ZNF83: variants seen among roughly 807,000 people sequenced by gnomAD.
ZNF83 encodes the protein zinc finger protein 816B.
For synonymous variants in ZNF83, 209 were observed against 213.0 expected, an observed-to-expected ratio of 0.98 and a Z score of 0.17; for missense variants, 552 against 629.9, an observed-to-expected ratio of 0.88 and a Z score of 1.32.
rs1568588904 is a variant in ZNF83 at position 52,687,603 on chromosome 19, ATATATAT to A, written c.-283+2833_-283+2839del. On this transcript the variant is annotated intron_variant, in intron 1 of 5. Coordinates refer to the ZNF83 transcript ENST00000594682. ...TTATATATATATATATATAATGTATATATATATAATGTGTATATATATATATAATGTA... is the reference window on the plus strand; with the variant it reads ...TTATATATATATATATATAATGTATAAATGTGTATATATATATATAATGTA... 5.4e-3 allele frequency among the ~76,000 whole-genome samples: 210 copies of A among 38,746 alleles called. 26 individuals are homozygous for A. The African/African-American group carries it at 0.061, about 11-fold the overall frequency. The allele number at this position is 38,746 out of a possible 152,430, so 25.4% of individuals were successfully genotyped here. A position where few individuals can be genotyped will look rare whatever the true frequency, so the allele number is the denominator to read the frequency against.
At chr19:52,654,140 T>C (rs920772095) in intron 3 of ZNF83, 18 of 1,605,668 alleles carry the variant, frequency 1.1e-5, no homozygotes, top group African/African-American at 6.7e-5. Context: ...TGATCTTTAA[T>C]AGGCTTGTTT....
chr19:52,641,235 A>C (rs1005819809), upstream of ZNF83, among the ~76,000 whole-genome samples: 1 of 152,120 alleles, frequency 6.6e-6, no homozygotes, highest in African/African-American at 2.4e-5. Flanking sequence ...TTATACACTC[A>C]TGGTCCACAG....
chr19:52,676,708 T>A (rs2147332226), intron 1 of ZNF83, among the ~76,000 whole-genome samples: 1 of 137,102 alleles, frequency 7.3e-6, no homozygotes, highest in African/African-American at 2.8e-5. Context: ...GGGAAAAGAT[T>A]GAGAAATCGG....
intron 2 of ZNF83, among the ~76,000 whole-genome samples, chr19:52,655,946 C>G (rs926411695): frequency 6.6e-6 from 1 of 152,114 alleles, no homozygotes; most frequent in Non-Finnish European, 1.5e-5. Flanking sequence ...CACGGTGGCT[C>G]ACACCTGAAA....
upstream of ZNF83, among the ~76,000 whole-genome samples, chr19:52,642,665 G>A (rs1478972020): frequency 6.6e-6 from 1 of 152,086 alleles, no homozygotes; most frequent in Non-Finnish European, 1.5e-5. Flanking sequence ...ACAGACATAA[G>A]GCTTTGACAC....
intron 1 of ZNF83, among the ~76,000 whole-genome samples, chr19:52,666,398 A>C: frequency 6.6e-6 from 1 of 151,924 alleles, no homozygotes; most frequent in Non-Finnish European, 1.5e-5. Context: ...CTCCAATACC[A>C]CCCTGTTGTC....
At position 52,666,036 on chromosome 19, in the gene ZNF83, T is replaced by A. The variant is rs146001436; in HGVS notation, c.-282-5193A>T. On this transcript the variant is annotated intron_variant, in intron 1 of 5. Coordinates refer to the ZNF83 transcript ENST00000594682. Reference sequence around the variant, plus strand: ...AAAATTAGCCGGGCATGGTGATGGGTGCCTGTAGTCCCAGCTACTTGGAAG... The same window carrying A: ...AAAATTAGCCGGGCATGGTGATGGGAGCCTGTAGTCCCAGCTACTTGGAAG... 6.0e-4 allele frequency among the ~76,000 whole-genome samples: 90 copies of A among 149,130 alleles called. 1 individual carries two copies. Among genetic ancestry groups the A allele is most frequent in the African/African-American group, 1.5e-3 (61 of 40,586 alleles).
intron 2 of ZNF83, among the ~76,000 whole-genome samples, chr19:52,632,603 A>C (rs1342817671): frequency 6.6e-6 from 1 of 152,148 alleles, no homozygotes. Flanking sequence ...GATATCTCCT[A>C]GTGCTGTCCA....
At chr19:52,676,449 G>C (rs2061807387) in intron 1 of ZNF83, among the ~76,000 whole-genome samples, 1 of 151,948 alleles carries the variant, frequency 6.6e-6, no homozygotes, top group South Asian at 2.1e-4. Context: ...CCCATGTCTG[G>C]GATGTGAGGA....
At chr19:52,683,528 A>ACCCTCACTCTT (rs1216197668) in intron 1 of ZNF83, among the ~76,000 whole-genome samples, 1 of 82,690 alleles carries the variant, frequency 1.2e-5, no homozygotes, top group Admixed American at 1.1e-4. Flanking sequence ...ATCCAAAGGG[A>ACCCTCACTCTT]AGGGCAAAGT....
intron 2 of ZNF83, among the ~76,000 whole-genome samples, chr19:52,657,548 T>A (rs922838050): frequency 5.9e-5 from 9 of 152,040 alleles, no homozygotes; most frequent in Non-Finnish European, 8.8e-5. Context: ...AATAATTTTT[T>A]AAAAAAGGCC....
chr19:52,629,977 A>G (rs186520541), intron 2 of ZNF83, among the ~76,000 whole-genome samples: 12,283 of 152,130 alleles, frequency 0.081, 469 homozygotes, highest in Middle Eastern at 0.1. Context: ...CCAGCACACA[A>G]GAACTTCCAA....
chr19:52,684,661 G>A (rs1245167596), intron 1 of ZNF83, among the ~76,000 whole-genome samples: 1 of 152,096 alleles, frequency 6.6e-6, no homozygotes, highest in Non-Finnish European at 1.5e-5. Context: ...AACTTCAGAT[G>A]TGGGTGGGAG....
chr19:52,621,226 G>A (rs1039490853), intron 2 of ZNF83, among the ~76,000 whole-genome samples: 3 of 152,148 alleles, frequency 2.0e-5, no homozygotes, highest in Admixed American at 2.0e-4. Flanking sequence ...CCCAAGGAAC[G>A]TCTCACCAAT....
intron 1 of ZNF83, chr19:52,636,319 A>G (rs2147196457): frequency 6.6e-6 from 1 of 151,434 alleles, no homozygotes; most frequent in Admixed American, 6.6e-5. Flanking sequence ...TCTTAATGTT[A>G]GTTAATTAAT....
chr19:52,664,313 T>C (rs1029314108), intron 1 of ZNF83, among the ~76,000 whole-genome samples: 30 of 151,532 alleles, frequency 2.0e-4, no homozygotes, highest in African/African-American at 7.0e-4. Flanking sequence ...CTGGGCAACA[T>C]GGAGAAAGCC....
intron 1 of ZNF83, among the ~76,000 whole-genome samples, chr19:52,663,437 C>T (rs937792992): frequency 1.5e-4 from 23 of 152,288 alleles, no homozygotes; most frequent in African/African-American, 5.3e-4. Context: ...TAAGTCAATC[C>T]AGCCCATCCT....
intron 2 of ZNF83, among the ~76,000 whole-genome samples, chr19:52,620,043 C>T (rs940918434): frequency 5.9e-5 from 9 of 152,206 alleles, no homozygotes; most frequent in Middle Eastern, 3.4e-3. Flanking sequence ...AGCGAGGCCC[C>T]ATCTCAAAAT....
intron 1 of ZNF83, among the ~76,000 whole-genome samples, chr19:52,661,391 A>G (rs11084174): frequency 0.28 from 42,896 of 151,992 alleles, 6,290 homozygotes; most frequent in Middle Eastern, 0.36. Context: ...GACCTTCAGG[A>G]CACAGATCTG....
Sources: gnomAD v4.1 joint callset for allele counts (sites outside exome capture counted in the v4.1 genomes callset) on GRCh38, gnomAD v4.1.1 for gene constraint, MANE v1.5 for transcripts, NCBI Gene and HGNC (gene_info 2026-07-23, HGNC 2026-07-21) for gene names.